The following GCDH variants were observed in gnomAD, a reference collection of about 807,000 sequenced individuals.
The protein encoded by GCDH is glutaryl-CoA dehydrogenase, also known as glutaryl-CoA dehydrogenase, mitochondrial.
In GCDH, 31 loss-of-function variants were observed where a neutral mutation model predicts 52.8. The observed-to-expected ratio is 0.59, with a 90% CI of 0.44 to 0.79. The LOEUF is 0.79. Ranked by LOEUF, GCDH falls within the 30% of genes least tolerant of loss-of-function variation. The pLI is 0.00. For missense variants in GCDH, 509 were observed against 595.0 expected (o/e 0.86, Z 1.50); for synonymous variants, 242 against 250.0 (o/e 0.97, Z 0.30).
At position 12,893,690 on chromosome 19, in the gene GCDH, C is replaced by T. The variant is rs201679235; in HGVS notation, c.505+37C>T. 7 of 1,581,284 alleles carry T rather than the reference C, an allele frequency of 4.4e-6. No individual in the cohort carries two copies. In the African/African-American group the frequency reaches 5.4e-5, roughly 12 times the overall value. ...CCCATGGGGCCTGGTGGAAGGAAGA[C>T]AGTCTCTGAGGTCTGGAACTCAAGG... On this transcript the variant is annotated intron_variant, in intron 6 of 11. Transcript: ENST00000222214.
chr19:12,891,441 G>C, intron 2 of GCDH, 46 bp downstream of exon 2: 5 of 1,614,228 alleles, frequency 3.1e-6, no homozygotes, highest in Non-Finnish European at 4.2e-6. Context: ...GAGGAACTGG[G>C]GGTTTAGGGA....
At chr19:12,892,226 A>G in intron 5 of GCDH, 48 bp downstream of exon 5, 2 of 1,466,948 alleles carry the variant, frequency 1.4e-6, no homozygotes, top group Non-Finnish European at 1.9e-6. Context: ...CTGTATTCTG[A>G]AAGCCTCTTC....
rs1970675584 is a variant in GCDH, at chr19:12,896,240, T to C, written c.671T>C (p.Val224Ala). 1.2e-6 allele frequency: 2 copies of C among 1,613,844 alleles called. No individual in the cohort carries two copies. The highest frequency in any genetic ancestry group is 1.7e-6 in the Non-Finnish European group (2 of 1,179,890). Residue 224 changes from valine to alanine, a missense_variant, in exon 8 of 12, where the codon GTG (valine) becomes GCG (alanine). Val to Ala is a moderately conservative substitution (Grantham distance 64). Transcript: ENST00000222214. This position sits in a 1 kb window ranked among gnomAD's most constrained non-coding sequence, Gnocchi z 5.5. ...TCGCCTATGGCCGATCTGTTTGTAG[T>C]GTGGGCTCGGTGTGAAGATGGCTGC... ...TNSPMADLFVVWARCEDGCIR... is the reference protein window; with the variant it reads ...TNSPMADLFVAWARCEDGCIR...
In GCDH at chr19:12,897,713, G is replaced by A. The variant is rs121434370; in HGVS notation, c.1093G>A (p.Glu365Lys). 64 of 1,614,150 alleles carry A rather than the reference G, an allele frequency of 4.0e-5. No individual in the cohort carries two copies. The highest frequency in any genetic ancestry group is 5.3e-5 in the African/African-American group (4 of 75,022). The part of the protein sequence containing the change: ...RLKDQDKAAP[E>K]MVSLLKRNNC... ...ATGTGCCACTCCCAGGGCTGCCCCC[G>A]AGATGGTTTCTCTGCTGAAGAGGAA... The change falls in exon 11 of 12, where the codon GAG becomes AAG. Residue 365 changes from glutamate to lysine, a missense_variant. Glu to Lys is a moderately conservative substitution (Grantham distance 56). Transcript: ENST00000222214.
At chr19:12,893,449 C>T (rs772247388) in intron 5 of GCDH, 34 bp from the exon 6 acceptor site, 1 of 1,599,584 alleles carries the variant, frequency 6.3e-7, no homozygotes, top group Non-Finnish European at 8.6e-7. Context: ...GCCCTGTTCT[C>T]TATTGTCCTG....
rs747746632 is a variant in GCDH at position 12,897,829 on chromosome 19, C to G, written c.1209C>G (p.His403Gln). Residue 403 changes from histidine (H) to glutamine (Q), a missense_variant, in exon 11 of 12, where the codon CAC (histidine) becomes CAG (glutamine). Coordinates refer to ENST00000222214, the MANE Select transcript of GCDH (RefSeq NM_000159.4). ...CTGACGAGTATCACGTGATCCGGCACGCCATGAACCTGGAGGCCGTGAACA... is the reference window on the plus strand; with the variant it reads ...CTGACGAGTATCACGTGATCCGGCAGGCCATGAACCTGGAGGCCGTGAACA... Reference protein sequence around the residue: ...GISDEYHVIRHAMNLEAVNTY... With the variant: ...GISDEYHVIRQAMNLEAVNTY... 1 of 1,613,942 alleles carries G rather than the reference C, an allele frequency of 6.2e-7. No individual in the cohort carries two copies. Among genetic ancestry groups the G allele is most frequent in the Non-Finnish European group, 8.5e-7 (1 of 1,179,934 alleles).
At position 12,896,881 on chromosome 19, in the gene GCDH, G is replaced by C; in HGVS notation, c.853-29G>C. ...TAGGCCCTCTTGGTGTCTCTTGGGT[G>C]GGCCTGAGGCGCCATCTCAACCCTA... On this transcript the variant is annotated intron_variant, in intron 8 of 11. Transcript: ENST00000222214. The surrounding 1 kb of genome is among the most constrained non-coding windows in gnomAD (Gnocchi z 5.5). 1 of 1,523,168 alleles carries C rather than the reference G, an allele frequency of 6.6e-7. No homozygotes were observed. The highest frequency in any genetic ancestry group is 9.1e-7 in the Non-Finnish European group (1 of 1,098,324). The allele number at this position is 1,523,168 out of a possible 1,614,324, so 94.4% of individuals were successfully genotyped here. A position where few individuals can be genotyped will look rare whatever the true frequency, so the allele number is the denominator to read the frequency against.
chr19:12,897,165 G>A (rs1970700816), intron 9 of GCDH, 138 bp from the exon 10 acceptor site: 8 of 1,263,824 alleles, frequency 6.3e-6, no homozygotes, highest in Middle Eastern at 2.0e-4. Flanking sequence ...GCTGTGGGCT[G>A]AGTCAACGGC....
At position 12,896,153 on chromosome 19, in the gene GCDH, A is replaced by C; in HGVS notation, c.635+32A>C. On this transcript the variant is annotated intron_variant, in intron 7 of 11. Coordinates refer to ENST00000222214, the MANE Select transcript of GCDH (RefSeq NM_000159.4). This position sits in a 1 kb window ranked among gnomAD's most constrained non-coding sequence, Gnocchi z 5.5. ...GTTCTGGGTGGTGGGCAGGTGGTGAACAGGGGCAAAGGGGCACTGGTCAGA... is the reference window on the plus strand; with the variant it reads ...GTTCTGGGTGGTGGGCAGGTGGTGACCAGGGGCAAAGGGGCACTGGTCAGA... 2 of 1,614,140 alleles carry C rather than the reference A, an allele frequency of 1.2e-6. No individual in the cohort carries two copies. Among genetic ancestry groups the C allele is most frequent in the Non-Finnish European group, 1.7e-6 (2 of 1,180,010 alleles).
intron 6 of GCDH, 130 bp downstream of exon 6, chr19:12,893,783 C>T (rs780141898): frequency 2.6e-5 from 22 of 842,474 alleles, no homozygotes; most frequent in South Asian, 1.7e-4. Flanking sequence ...CCTGGACCCC[C>T]GCCAGACCCT....
rs747792184 is a variant in GCDH at position 12,897,728 on chromosome 19, C to T, written c.1108C>T (p.Leu370=). 62 of 1,614,100 alleles carry T rather than the reference C, an allele frequency of 3.8e-5. No homozygotes were observed. The highest frequency in any genetic ancestry group is 5.3e-5 in the Non-Finnish European group (62 of 1,180,008). The change falls in exon 11 of 12, where the codon CTG becomes TTG. Residue 370 remains leucine (L), a synonymous_variant. Transcript: ENST00000222214. ...GGCTGCCCCCGAGATGGTTTCTCTG[C>T]TGAAGAGGAATAACTGTGGGAAAGC... ...DKAAPEMVSL[L]KRNNCGKALD...
intron 9 of GCDH, 49 bp from the exon 10 acceptor site, chr19:12,897,254 G>A: frequency 6.2e-7 from 1 of 1,612,044 alleles, no homozygotes; most frequent in Non-Finnish European, 8.5e-7. Flanking sequence ...CAGGGACGGG[G>A]TGGGAGAGTG....
Position 12,896,391 on chromosome 19 carries a change from G to T in GCDH, c.822G>T (p.Glu274Asp), listed in dbSNP as rs1397628517. The T allele has an allele frequency of 2.5e-6, 4 of 1,613,838 alleles. No individual in the cohort carries two copies. The highest frequency in any genetic ancestry group is 1.7e-6 in the Non-Finnish European group (2 of 1,179,990). Residue 274 changes from glutamate (E) to aspartate (D), a missense_variant, in exon 8 of 12, where the codon GAG becomes GAT. Transcript: ENST00000222214. The surrounding 1 kb of genome is among the most constrained non-coding windows in gnomAD (Gnocchi z 5.5). ...IIMDGVEVPE[E>D]NVLPGASSLG... ...TGGACGGTGTGGAGGTGCCAGAGGAGAATGTGCTCCCTGGTGCATCCAGCC... is the reference window on the plus strand; with the variant it reads ...TGGACGGTGTGGAGGTGCCAGAGGATAATGTGCTCCCTGGTGCATCCAGCC...
rs1970795781 is a variant in GCDH at position 12,899,868 on chromosome 19, G to A, written c.*327G>A. The A allele has an allele frequency of 2.5e-6, 4 of 1,589,696 alleles. No individual in the cohort carries two copies. Among genetic ancestry groups the A allele is most frequent in the Non-Finnish European group, 2.6e-6 (3 of 1,160,890 alleles). ...CTGCTGCAGCTGACCCCCTCACACTGAGTTCACAGTGCGCCCTCCCTCCCT... is the reference window on the plus strand; with the variant it reads ...CTGCTGCAGCTGACCCCCTCACACTAAGTTCACAGTGCGCCCTCCCTCCCT... On this transcript the variant is annotated 3_prime_UTR_variant, in exon 12 of 12. Coordinates refer to ENST00000222214, the MANE Select transcript of GCDH (RefSeq NM_000159.4).
chr19:12,894,436 G>A (rs1405081016), intron 6 of GCDH: 4 of 745,938 alleles, frequency 5.4e-6, no homozygotes, highest in African/African-American at 5.2e-5. Flanking sequence ...TGGTTGCATC[G>A]TGGATGCCAA....
chr19:12,891,218 T>C lies in GCDH; in HGVS notation c.-35+16T>C, dbSNP rs1970545450. ...GTACTACCAGGTAAGGAAGGTGCGG[T>C]AGCCCCAGCCGTGGGTGAGAGGAGC... On this transcript the variant is annotated intron_variant, in intron 1 of 11. Coordinates refer to ENST00000222214, the MANE Select transcript of GCDH (RefSeq NM_000159.4). 9.6e-7 allele frequency: 1 copy of C among 1,036,698 alleles called. No individual in the cohort carries two copies. The highest frequency in any genetic ancestry group is 1.5e-6 in the Non-Finnish European group (1 of 684,596). The allele number at this position is 1,036,698 out of a possible 1,614,324, so 64.2% of individuals were successfully genotyped here. A position where few individuals can be genotyped will look rare whatever the true frequency, so the allele number is the denominator to read the frequency against.
chr19:12,899,603 G>C lies in GCDH; in HGVS notation c.*62G>C, dbSNP rs371513457. 1.4e-5 allele frequency: 23 copies of C among 1,613,418 alleles called. No homozygotes were observed. The highest frequency in any genetic ancestry group is 3.3e-4 in the Middle Eastern group (2 of 6,066). On this transcript the variant is annotated 3_prime_UTR_variant, in exon 12 of 12. Transcript: ENST00000222214. ...TTCTGGAGAGATGCCTGGCTGGACC[G>C]TAGGAGCGCTGTGCTCTGAGCTTAG...
chr19:12,898,244 G>T (rs1050643927), intron 11 of GCDH: 3 of 305,008 alleles, frequency 9.8e-6, no homozygotes, highest in Middle Eastern at 1.1e-3. Flanking sequence ...GCTCCATTTT[G>T]TTAAGAGACA....
chr19:12,896,469 C>A lies in GCDH; in HGVS notation c.852+48C>A. ...ATGGGTGTTGGGTCACCTGCGGATG[C>A]GGCTTTGTCAGGCAGGCTCCGTGCT... On this transcript the variant is annotated intron_variant, in intron 8 of 11. Transcript: ENST00000222214. This position sits in a 1 kb window ranked among gnomAD's most constrained non-coding sequence, Gnocchi z 5.5. The A allele has an allele frequency of 1.4e-6, 2 of 1,422,164 alleles. No homozygotes were observed. Among genetic ancestry groups the A allele is most frequent in the Non-Finnish European group, 9.8e-7 (1 of 1,020,774 alleles). The allele number at this position is 1,422,164 out of a possible 1,614,324, so 88.1% of individuals were successfully genotyped here.
Sources: gnomAD v4.1 joint callset for allele counts on GRCh38, gnomAD v4.1.1 for gene constraint, Gnocchi (gnomAD v3.1) non-coding constraint, MANE v1.5 for transcripts, NCBI Gene and HGNC (gene_info 2026-07-23, HGNC 2026-07-21) for gene names.